DDX1: variants seen among roughly 807,000 people sequenced by gnomAD.
The protein encoded by DDX1 is DEAD-box helicase 1.
A neutral mutation model predicts 108.7 loss-of-function variants in DDX1; 28 were observed. The observed-to-expected ratio is 0.26, with a 90% confidence interval of 0.19 to 0.35. The LOEUF is 0.35. Among genes scored for constraint, DDX1 ranks in the 10% least tolerant of loss-of-function variants. The pLI, the probability that DDX1 is intolerant of heterozygous loss-of-function variation, is 1.00. For missense variants in DDX1, 710 were observed against 884.5 expected (o/e 0.80, Z 2.50); for synonymous variants, 295 against 288.9 (o/e 1.02, Z -0.21).
At chr2:15,604,384 TTTA>T (rs1402713618) in intron 9 of DDX1, 50 bp from the exon 10 acceptor site, 1 of 1,195,332 alleles carries the variant, frequency 8.4e-7, no homozygotes. Context: ...ATATTTTAAC[TTTA>T]TTTAAGAATT....
rs74461859 is a variant in DDX1 at position 15,609,109 on chromosome 2, G to A, written c.956+1796G>A. 3.8e-3 allele frequency among the ~76,000 whole-genome samples: 573 copies of A among 152,278 alleles called. 4 individuals carry two copies. The highest frequency in any genetic ancestry group is 0.013 in the African/African-American group (547 of 41,552). On this transcript the variant is annotated intron_variant, in intron 13 of 25. Coordinates refer to ENST00000233084, the MANE Select transcript of DDX1 (RefSeq NM_004939.3). ...ACAAAACAAATACAATAAATGCCTT[G>A]AGCATACCATGTAACCAGGGCATCT...
intron 23 of DDX1, 117 bp from the exon 24 acceptor site, chr2:15,629,485 A>G (rs1666157087): frequency 1.5e-6 from 1 of 677,150 alleles, no homozygotes; most frequent in Non-Finnish European, 2.5e-6. Flanking sequence ...TATCATACCT[A>G]TAATCTATTT....
intron 3 of DDX1, among the ~76,000 whole-genome samples, chr2:15,595,885 T>G (rs888136404): frequency 6.6e-6 from 1 of 152,114 alleles, no homozygotes; most frequent in Non-Finnish European, 1.5e-5. Flanking sequence ...AGATTTCTTT[T>G]TTTTTGTTTT....
intron 5 of DDX1, among the ~76,000 whole-genome samples, chr2:15,598,606 G>A (rs1211634966): frequency 6.6e-6 from 1 of 152,150 alleles, no homozygotes; most frequent in African/African-American, 2.4e-5. Flanking sequence ...GAAGATTTCT[G>A]TTTAACTTAA....
At chr2:15,598,087 CTTAA>C (rs1388909039) in intron 5 of DDX1, among the ~76,000 whole-genome samples, 1 of 152,006 alleles carries the variant, frequency 6.6e-6, no homozygotes, top group Non-Finnish European at 1.5e-5. Context: ...TTCATTCTAT[CTTAA>C]TTAATCTTTT....
Position 15,617,340 on chromosome 2 carries a change from G to A in DDX1, c.1114G>A (p.Ala372Thr). ...SQVRFLVLDE[A>T]DGLLSQGYSD... ...AGTTAGATTCCTGGTCCTGGATGAA[G>A]CTGTATGTTGAAATATAATCATACT... Residue 372 changes from alanine (A) to threonine (T), a missense_variant and splice_region_variant, in exon 15 of 26, where the codon GCT becomes ACT. Ala to Thr is a moderately conservative substitution (Grantham distance 58). Around this residue, in one of 3 missense-constraint regions of DDX1, gnomAD observed 661 missense variants for 810.2 expected, o/e 0.82. Transcript: ENST00000233084. 1 of 1,564,750 alleles carries A rather than the reference G, an allele frequency of 6.4e-7. No individual in the cohort carries two copies. The highest frequency in any genetic ancestry group is 2.3e-5 in the East Asian group (1 of 43,970).
chr2:15,616,273 C>T (rs1259145907), intron 14 of DDX1, among the ~76,000 whole-genome samples: 1 of 152,222 alleles, frequency 6.6e-6, no homozygotes. Flanking sequence ...GGGTCAGGCA[C>T]TGTACTAAAA....
At chr2:15,607,102 G>A (rs774711637) in intron 12 of DDX1, 73 bp from the exon 13 acceptor site, 1 of 1,314,128 alleles carries the variant, frequency 7.6e-7, no homozygotes, top group Admixed American at 1.9e-5. Flanking sequence ...TAGAATATTT[G>A]TCCTAATGTT....
chr2:15,620,184 C>T (rs776909274), intron 16 of DDX1, 24 bp from the exon 17 acceptor site: 3 of 1,591,312 alleles, frequency 1.9e-6, no homozygotes, highest in Non-Finnish European at 1.7e-6. Flanking sequence ...AAGTTCATCT[C>T]AATTTGGGGT....
intron 20 of DDX1, 145 bp from the exon 21 acceptor site, chr2:15,628,300 C>T: frequency 3.4e-6 from 2 of 595,794 alleles, no homozygotes; most frequent in Non-Finnish European, 5.9e-6. Context: ...AAGACTTGGT[C>T]CAGTAAATTA....
At chr2:15,617,189 C>T (rs994075514) in intron 14 of DDX1, 55 bp from the exon 15 acceptor site, 31 of 827,710 alleles carry the variant, frequency 3.7e-5, no homozygotes, top group South Asian at 2.1e-4. Context: ...GCTATTTTAA[C>T]GTAATTATAC....
intron 10 of DDX1, 21 bp downstream of exon 10, chr2:15,604,530 A>T (rs1665634489): frequency 2.1e-6 from 3 of 1,436,672 alleles, no homozygotes; most frequent in Non-Finnish European, 2.9e-6. Context: ...TATGGATCTT[A>T]GTAGTGAAAA....
chr2:15,624,299 A>G (rs1666062209), intron 19 of DDX1, among the ~76,000 whole-genome samples: 2 of 152,232 alleles, frequency 1.3e-5, no homozygotes, highest in African/African-American at 2.4e-5. Context: ...TCACTATGTA[A>G]TAAAATATCC....
intron 3 of DDX1, among the ~76,000 whole-genome samples, chr2:15,596,084 A>T (rs1433888876): frequency 6.6e-6 from 1 of 152,116 alleles, no homozygotes; most frequent in East Asian, 1.9e-4. Flanking sequence ...ACAGGGTCTC[A>T]CTATGCTGCC....
At chr2:15,629,753 A>G (rs1666162081) in intron 24 of DDX1, 56 bp downstream of exon 24, 4 of 1,329,890 alleles carry the variant, frequency 3.0e-6, no homozygotes, top group East Asian at 2.5e-5. Flanking sequence ...AATAGAAAGC[A>G]TTTATCTTCA....
chr2:15,621,152 G>T (rs374295473), intron 18 of DDX1, 36 bp downstream of exon 18: 24 of 1,492,732 alleles, frequency 1.6e-5, no homozygotes, highest in Non-Finnish European at 2.0e-5. Flanking sequence ...GAAAGATTTT[G>T]AAAATGAAAT....
rs768908875 is a variant in DDX1, at chr2:15,618,228, C to T, written c.1164C>T (p.His388=). The change falls in exon 16 of 26, where the codon CAC becomes CAT. Residue 388 remains histidine (H), a synonymous_variant. Coordinates refer to ENST00000233084, the MANE Select transcript of DDX1 (RefSeq NM_004939.3). ...ATTCTGATTTTATAAATAGGATGCACAATCAGATTCCTCAGGTTACCTCTG... is the reference window on the plus strand; with the variant it reads ...ATTCTGATTTTATAAATAGGATGCATAATCAGATTCCTCAGGTTACCTCTG... ...QGYSDFINRM[H]NQIPQVTSDG... is the part of the protein sequence containing the mutation. The T allele has an allele frequency of 1.9e-5, 30 of 1,592,438 alleles. No homozygotes were observed. The African/African-American group carries it at 3.1e-4, about 16-fold the overall frequency.
chr2:15,607,281 G>A lies in DDX1; in HGVS notation c.924G>A (p.Gln308=), dbSNP rs1665678677. 6.2e-7 allele frequency: 1 copy of A among 1,612,806 alleles called. No homozygotes were observed. Among genetic ancestry groups the A allele is most frequent in the African/African-American group, 1.3e-5 (1 of 74,980 alleles). The change falls in exon 13 of 26, where the codon CAG becomes CAA. Residue 308 remains glutamine (Q), a synonymous_variant. Transcript: ENST00000233084. ...LAEQTLNNIK[Q]FKKYIDNPKL... is the part of the protein sequence containing the mutation. ...AACAAACTTTGAACAACATCAAGCA[G>A]TTTAAGAAATACATTGATAATCCTA...
At chr2:15,624,559 A>T (rs566168045) in intron 19 of DDX1, among the ~76,000 whole-genome samples, 235 of 152,284 alleles carry the variant, frequency 1.5e-3, no homozygotes, top group African/African-American at 5.4e-3. Context: ...ATCAGATCTC[A>T]TGAGGACTCC....
Sources: allele counts gnomAD v4.1 joint callset (sites outside exome capture counted in the v4.1 genomes callset), GRCh38; gene constraint gnomAD v4.1.1; regional missense constraint gnomAD v4.1.1; transcripts MANE v1.5; gene names NCBI Gene and HGNC (gene_info 2026-07-23, HGNC 2026-07-21).